The following TIMP3 variants were observed in gnomAD, a reference collection of about 807,000 sequenced individuals.
TIMP3 encodes metalloproteinase inhibitor 3.
A neutral mutation model predicts 30.0 loss-of-function variants in TIMP3; 11 were observed. The observed-to-expected ratio is 0.37, with a 90% confidence interval of 0.23 to 0.61. The LOEUF (loss-of-function observed/expected upper bound fraction) is 0.61. Ranked by LOEUF, TIMP3 falls within the 20% of genes least tolerant of loss-of-function variation. TIMP3 has a pLI of 0.70. For synonymous variants in TIMP3, 112 were observed against 111.3 expected (o/e 1.01, Z -0.04); for missense variants, 181 against 276.8 (o/e 0.65, Z 2.45).
intron 1 of TIMP3, among the ~76,000 whole-genome samples, chr22:32,825,721 A>G (rs2047390294): frequency 6.9e-6 from 1 of 145,442 alleles, no homozygotes; most frequent in South Asian, 2.3e-4. Context: ...GTGTATGCTT[A>G]TATATATAAT....
intron 1 of TIMP3, among the ~76,000 whole-genome samples, chr22:32,807,829 G>T (rs186912716): frequency 1.1e-4 from 17 of 151,992 alleles, no homozygotes; most frequent in Admixed American, 1.1e-3. Context: ...TGCCAATTTG[G>T]CCTCCACAGT....
chr22:32,853,120 T>C (rs569897268), intron 2 of TIMP3, among the ~76,000 whole-genome samples: 1 of 152,224 alleles, frequency 6.6e-6, no homozygotes, highest in Admixed American at 6.5e-5. Flanking sequence ...AATAGCAGGG[T>C]CTCGCCTTTG....
At chr22:32,830,078 G>T (rs1480062230) in intron 1 of TIMP3, among the ~76,000 whole-genome samples, 1 of 152,192 alleles carries the variant, frequency 6.6e-6, no homozygotes, top group African/African-American at 2.4e-5. Context: ...CGACATTTCA[G>T]GAGGAGGAAG....
chr22:32,805,768 T>C (rs138924802), intron 1 of TIMP3, among the ~76,000 whole-genome samples: 10 of 152,260 alleles, frequency 6.6e-5, no homozygotes, highest in African/African-American at 2.4e-4. Context: ...AGTTATACCA[T>C]GCTTCAAAAA....
rs200570563 is a variant in TIMP3 at position 32,859,883 on chromosome 22, G to A, written c.*506G>A. 40 of 171,724 alleles carry A rather than the reference G, an allele frequency of 2.3e-4. 1 individual carries two copies. In the East Asian group the frequency reaches 5.2e-3, roughly 22 times the overall value. The allele number at this position is 171,724 out of a possible 1,614,324, so 10.6% of individuals were successfully genotyped here. A position where few individuals can be genotyped will look rare whatever the true frequency, so the allele number is the denominator to read the frequency against. Reference sequence around the variant, plus strand: ...CAGCAAGCAGATAGACTCAAGGTGTGTGAAAGATGTTATACACCAGGAGCT... The same window carrying A: ...CAGCAAGCAGATAGACTCAAGGTGTATGAAAGATGTTATACACCAGGAGCT... On this transcript the variant is annotated 3_prime_UTR_variant, in exon 5 of 5. Transcript: ENST00000266085.
intron 1 of TIMP3, among the ~76,000 whole-genome samples, chr22:32,814,476 A>G (rs564339276): frequency 2.0e-5 from 3 of 152,202 alleles, no homozygotes; most frequent in Non-Finnish European, 4.4e-5. Context: ...AAAATAAAAC[A>G]GAAACCACTG....
chr22:32,816,295 G>A (rs1268662064), intron 1 of TIMP3, among the ~76,000 whole-genome samples: 1 of 152,178 alleles, frequency 6.6e-6, no homozygotes, highest in Non-Finnish European at 1.5e-5. Context: ...GGTAATTGAT[G>A]GGCATTCCTG....
chr22:32,838,964 A>G (rs978590306), intron 1 of TIMP3, among the ~76,000 whole-genome samples: 2 of 151,368 alleles, frequency 1.3e-5, no homozygotes. Context: ...AAAGAGAGGA[A>G]AGCCAAGCAG....
intron 2 of TIMP3, among the ~76,000 whole-genome samples, chr22:32,851,751 C>T (rs1041402849): frequency 6.6e-6 from 1 of 152,144 alleles, no homozygotes; most frequent in African/African-American, 2.4e-5. Context: ...CCAAATCTCC[C>T]TGCCATCTTA....
chr22:32,811,895 A>G (rs553678018), intron 1 of TIMP3, among the ~76,000 whole-genome samples: 1 of 152,328 alleles, frequency 6.6e-6, no homozygotes, highest in South Asian at 2.1e-4. Context: ...TCACTAGGGT[A>G]GCCAAAGAGA....
intron 1 of TIMP3, among the ~76,000 whole-genome samples, chr22:32,814,339 G>GGA (rs1555970124): frequency 4.8e-4 from 5 of 10,354 alleles, no homozygotes; most frequent in African/African-American, 1.0e-3. Context: ...AAGAAAGAAA[G>GGA]AGAAAGAAAG....
At chr22:32,853,987 A>C (rs2048294882) in intron 2 of TIMP3, among the ~76,000 whole-genome samples, 1 of 152,170 alleles carries the variant, frequency 6.6e-6, no homozygotes, top group Admixed American at 6.5e-5. Context: ...ATTGGTTTGG[A>C]TTAGATTACC....
At chr22:32,809,920 A>G (rs532404704) in intron 1 of TIMP3, among the ~76,000 whole-genome samples, 3 of 152,300 alleles carry the variant, frequency 2.0e-5, no homozygotes, top group African/African-American at 7.2e-5. Context: ...GGCAGGTCCC[A>G]TGCATTTACT....
rs2047762803 is a variant in TIMP3 at position 32,837,339 on chromosome 22, C to T, written c.122-12113C>T. 6.6e-6 allele frequency among the ~76,000 whole-genome samples: 1 copy of T among 152,166 alleles called. No individual in the cohort carries two copies. Among genetic ancestry groups the T allele is most frequent in the Non-Finnish European group, 1.5e-5 (1 of 68,048 alleles). On this transcript the variant is annotated intron_variant, in intron 1 of 4. Coordinates refer to ENST00000266085, the MANE Select transcript of TIMP3 (RefSeq NM_000362.5). This position sits in a 1 kb window ranked among gnomAD's most constrained non-coding sequence, Gnocchi z 4.1. The stretch of plus-strand genomic sequence containing the variant: ...CAGGGGATAGGGGGTGGTCTCAGCC[C>T]CCCTCACCGAGTGCACTTGCATGGC...
At chr22:32,857,126 T>G in intron 2 of TIMP3, 123 bp from the exon 3 acceptor site, 2 of 763,986 alleles carry the variant, frequency 2.6e-6, no homozygotes, top group Non-Finnish European at 4.7e-6. Context: ...AACATGAGAG[T>G]GCAGACCCCT....
intron 1 of TIMP3, among the ~76,000 whole-genome samples, chr22:32,804,037 A>G (rs188582223): frequency 1.1e-3 from 168 of 152,286 alleles, no homozygotes; most frequent in Non-Finnish European, 2.0e-3. Flanking sequence ...GTTTCTTACA[A>G]TTTCTCTGGA....
intron 1 of TIMP3, among the ~76,000 whole-genome samples, chr22:32,845,417 C>T (rs1055488988): frequency 6.6e-6 from 1 of 152,010 alleles, no homozygotes; most frequent in African/African-American, 2.4e-5. Flanking sequence ...GTCTCAATCT[C>T]TTGACCTCGT....
At chr22:32,817,144 C>T (rs182485358) in intron 1 of TIMP3, among the ~76,000 whole-genome samples, 5 of 151,612 alleles carry the variant, frequency 3.3e-5, no homozygotes, top group Admixed American at 2.6e-4. Context: ...CTTGAGTCCA[C>T]GAGGTTGAGG....
At chr22:32,839,415 C>G (rs974788561) in intron 1 of TIMP3, among the ~76,000 whole-genome samples, 26 of 152,080 alleles carry the variant, frequency 1.7e-4, no homozygotes, top group African/African-American at 5.8e-4. Context: ...CTCAGGGATT[C>G]TAATCATGCT....
Sources: allele counts gnomAD v4.1 joint callset (sites outside exome capture counted in the v4.1 genomes callset), GRCh38; gene constraint gnomAD v4.1.1; non-coding constraint Gnocchi (gnomAD v3.1); transcripts MANE v1.5; gene names NCBI Gene and HGNC (gene_info 2026-07-23, HGNC 2026-07-21).